Variants in KCNMB2 observed in about 807,000 individuals in gnomAD.
KCNMB2 encodes the protein calcium-activated potassium channel subunit beta-2.
In KCNMB2, 9 loss-of-function variants were observed where a neutral mutation model predicts 24.5. The observed-to-expected ratio is 0.37, with a 90% confidence interval of 0.22 to 0.64. The LOEUF (loss-of-function observed/expected upper bound fraction) is 0.64. Ranked by LOEUF, KCNMB2 falls within the 30% of genes least tolerant of loss-of-function variation. The probability of loss-of-function intolerance (pLI) is 0.63; values close to 1 mark genes in which losing one functional copy is unlikely to be tolerated. For missense variants in KCNMB2, 226 were observed against 284.3 expected, an observed-to-expected ratio of 0.79 and a Z score of 1.47; for synonymous variants, 109 against 104.4, an observed-to-expected ratio of 1.04 and a Z score of -0.27.
chr3:178,698,323 A>G (rs1192243065), intron 1 of KCNMB2, among the ~76,000 whole-genome samples: 1 of 146,826 alleles, frequency 6.8e-6, no homozygotes, highest in African/African-American at 2.6e-5. Flanking sequence ...ATTCTTTTTC[A>G]TTCTCTTTTC....
intron 1 of KCNMB2, among the ~76,000 whole-genome samples, chr3:178,613,546 G>T (rs894656520): frequency 7.2e-5 from 11 of 152,008 alleles, no homozygotes; most frequent in Admixed American, 2.6e-4. Flanking sequence ...CTCCCCTTTT[G>T]TTTGTCTGGG....
intron 1 of KCNMB2, among the ~76,000 whole-genome samples, chr3:178,702,379 T>C (rs956384506): frequency 4.6e-5 from 7 of 151,662 alleles, no homozygotes; most frequent in African/African-American, 1.7e-4. Flanking sequence ...CATGTATACA[T>C]ATGTAACAAA....
At chr3:178,767,715 T>C (rs1049636145) in intron 1 of KCNMB2, among the ~76,000 whole-genome samples, 4 of 152,218 alleles carry the variant, frequency 2.6e-5, no homozygotes, top group African/African-American at 9.6e-5. Flanking sequence ...TGGGACTATT[T>C]GAGGTCAGAT....
intron 1 of KCNMB2, among the ~76,000 whole-genome samples, chr3:178,685,563 T>C (rs144888864): frequency 1.3e-5 from 2 of 152,312 alleles, no homozygotes; most frequent in Admixed American, 1.3e-4. Context: ...AGTGGTTCTG[T>C]TTTTATATTT....
intron 1 of KCNMB2, among the ~76,000 whole-genome samples, chr3:178,642,743 CA>C (rs1719771870): frequency 2.0e-5 from 3 of 152,126 alleles, no homozygotes; most frequent in African/African-American, 7.2e-5. Flanking sequence ...ACTATATCAC[CA>C]ATTTAAAATT....
chr3:178,798,243 C>A lies in KCNMB2; in HGVS notation c.-67-9100C>A, dbSNP rs1008777390. Reference sequence around the variant, plus strand: ...TCAAGGGGAAGGCTTCCAGCTTTTGCCCATTTAGTATGATGTTGGCTGTGG... The same window carrying A: ...TCAAGGGGAAGGCTTCCAGCTTTTGACCATTTAGTATGATGTTGGCTGTGG... On this transcript the variant is annotated intron_variant, in intron 1 of 4. Coordinates refer to ENST00000452583, the MANE Select transcript of KCNMB2 (RefSeq NM_181361.3). Among the ~76,000 whole-genome samples, 4 of 152,064 alleles carry A rather than the reference C, an allele frequency of 2.6e-5. No homozygotes were observed. In the South Asian group the frequency reaches 8.3e-4, roughly 32 times the overall value.
At chr3:178,580,654 G>A (rs1717164090) in intron 1 of KCNMB2, among the ~76,000 whole-genome samples, 1 of 152,184 alleles carries the variant, frequency 6.6e-6, no homozygotes, top group Non-Finnish European at 1.5e-5. Flanking sequence ...AAGCTGATAA[G>A]CAACTTCAGC....
chr3:178,680,348 T>A (rs552669362), intron 1 of KCNMB2, among the ~76,000 whole-genome samples: 1 of 152,300 alleles, frequency 6.6e-6, no homozygotes, highest in South Asian at 2.1e-4. Flanking sequence ...TTTTTCCATG[T>A]GCTCCAGCTA....
intron 1 of KCNMB2, among the ~76,000 whole-genome samples, chr3:178,614,281 A>G (rs868040109): frequency 0.075 from 7,900 of 104,638 alleles, 732 homozygotes; most frequent in Middle Eastern, 0.17. Flanking sequence ...ATATATATAT[A>G]TATATATATA....
chr3:178,705,932 G>A (rs1023775676), intron 1 of KCNMB2, among the ~76,000 whole-genome samples: 1 of 152,120 alleles, frequency 6.6e-6, no homozygotes, highest in South Asian at 2.1e-4. Context: ...AGCGGAGGAA[G>A]AAAGGCACAA....
At chr3:178,814,969 G>C (rs1368307038) in intron 2 of KCNMB2, among the ~76,000 whole-genome samples, 4 of 152,008 alleles carry the variant, frequency 2.6e-5, no homozygotes, top group African/African-American at 9.6e-5. Context: ...AAGCTCTTTA[G>C]TTTAATTAAG....
At chr3:178,789,207 A>G (rs1713227563) in intron 1 of KCNMB2, among the ~76,000 whole-genome samples, 1 of 152,220 alleles carries the variant, frequency 6.6e-6, no homozygotes, top group Non-Finnish European at 1.5e-5. Context: ...CCTGAAACAG[A>G]TGTCAATGCG....
intron 1 of KCNMB2, among the ~76,000 whole-genome samples, chr3:178,735,863 G>C (rs529728907): frequency 3.3e-5 from 5 of 152,348 alleles, no homozygotes; most frequent in African/African-American, 1.2e-4. Context: ...CACCGTGCTT[G>C]ATGACAATAG....
chr3:178,580,437 C>A (rs1399745949), intron 1 of KCNMB2, among the ~76,000 whole-genome samples: 1 of 152,202 alleles, frequency 6.6e-6, no homozygotes, highest in Non-Finnish European at 1.5e-5. Context: ...AAGCTGGAAG[C>A]ATTCCCTTTG....
chr3:178,809,126 A>T (rs1245973677), intron 2 of KCNMB2, among the ~76,000 whole-genome samples: 2 of 152,206 alleles, frequency 1.3e-5, no homozygotes, highest in Non-Finnish European at 2.9e-5. Context: ...ATAAAATTTC[A>T]TATGTCATTT....
chr3:178,830,213 CAT>C (rs1715001571), intron 4 of KCNMB2, among the ~76,000 whole-genome samples: 1 of 152,184 alleles, frequency 6.6e-6, no homozygotes, highest in South Asian at 2.1e-4. Flanking sequence ...AATGGAATCA[CAT>C]AGAATACTTT....
intron 1 of KCNMB2, among the ~76,000 whole-genome samples, chr3:178,568,477 T>G (rs913947935): frequency 6.6e-6 from 1 of 152,178 alleles, no homozygotes; most frequent in Non-Finnish European, 1.5e-5. Flanking sequence ...GCCAGTGATA[T>G]CTTGAACACT....
intron 1 of KCNMB2, among the ~76,000 whole-genome samples, chr3:178,578,156 C>T (rs1326569074): frequency 1.3e-5 from 2 of 152,206 alleles, no homozygotes; most frequent in Non-Finnish European, 2.9e-5. Flanking sequence ...CAAAGAGAAG[C>T]CCATCAAACT....
intron 1 of KCNMB2, among the ~76,000 whole-genome samples, chr3:178,666,316 A>G (rs144590459): frequency 2.3e-4 from 35 of 152,234 alleles, no homozygotes; most frequent in African/African-American, 7.7e-4. Flanking sequence ...ATCATTTTTT[A>G]GGGATCAGTT....
Sources: allele counts gnomAD v4.1 joint callset (sites outside exome capture counted in the v4.1 genomes callset), GRCh38; gene constraint gnomAD v4.1.1; transcripts MANE v1.5; gene names NCBI Gene and HGNC (gene_info 2026-07-23, HGNC 2026-07-21).